Variants in USP24 observed in about 807,000 individuals in gnomAD.
The protein encoded by USP24 is ubiquitin specific peptidase 24, also known as ubiquitin carboxyl-terminal hydrolase 24.
A neutral mutation model predicts 361.6 loss-of-function variants in USP24; 97 were observed. The ratio of observed to expected loss-of-function variants is 0.27; its 90% CI spans 0.23 to 0.32. USP24 has a LOEUF of 0.32. Ranked by LOEUF, USP24 falls within the 10% of genes least tolerant of loss-of-function variation. USP24 has a pLI of 1.00. For synonymous variants in USP24, 1,098 were observed against 1,124.6 expected (o/e 0.98, Z 0.47); for missense variants, 2,353 against 3,165.6 (o/e 0.74, Z 6.16).
intron 8 of USP24, among the ~76,000 whole-genome samples, chr1:55,160,885 ACTT>A (rs1648204952): frequency 6.6e-6 from 1 of 152,144 alleles, no homozygotes; most frequent in African/African-American, 2.4e-5. Context: ...AAGTCCAATC[ACTT>A]TGCCTCTTTA....
chr1:55,211,611 C>G (rs540582117), intron 1 of USP24, among the ~76,000 whole-genome samples: 1 of 152,232 alleles, frequency 6.6e-6, no homozygotes, highest in African/African-American at 2.4e-5. Flanking sequence ...ACTGATTTAC[C>G]TAACTAGCTA....
chr1:55,121,862 T>C (rs911571581), intron 36 of USP24, among the ~76,000 whole-genome samples: 2 of 152,232 alleles, frequency 1.3e-5, no homozygotes, highest in Non-Finnish European at 2.9e-5. Flanking sequence ...AGGGAAGTTA[T>C]CATTTTTTCA....
In USP24 at chr1:55,096,445, A is replaced by G. The variant is rs568793612; in HGVS notation, c.6061+53T>C. On this transcript the variant is annotated intron_variant, in intron 50 of 67. Transcript: ENST00000294383. ...TATAAAGAATACTATTAATTTTTAT[A>G]GAAAACGATAAATAAAAAAACTAAT... 3 of 1,361,964 alleles carry G rather than the reference A, an allele frequency of 2.2e-6. No individual in the cohort carries two copies. The South Asian group carries it at 5.3e-5, about 24-fold the overall frequency. 84.4% of individuals were successfully genotyped at this position (1,361,964 alleles called of 1,614,324 possible).
intron 38 of USP24, among the ~76,000 whole-genome samples, chr1:55,117,668 G>A (rs1048027150): frequency 4.0e-5 from 6 of 150,790 alleles, no homozygotes; most frequent in South Asian, 2.1e-4. Flanking sequence ...GCCGGGAAGC[G>A]GAGCTTGCAG....
Position 55,177,981 on chromosome 1 carries a change from T to A in USP24, c.476A>T (p.Tyr159Phe). 6.4e-7 allele frequency: 1 copy of A among 1,551,558 alleles called. No homozygotes were observed. Among genetic ancestry groups the A allele is most frequent in the East Asian group, 2.4e-5 (1 of 40,894 alleles). The change falls in exon 2 of 68, where the codon TAC becomes TTC. Residue 159 changes from tyrosine to phenylalanine, a missense_variant. By Grantham distance (22) the Tyr-to-Phe change is conservative. Around this residue, in one of 8 missense-constraint regions of USP24, gnomAD observed 253 missense variants for 255.3 expected, o/e 0.99. Transcript: ENST00000294383. ...TGAAAACTTACCAAGTCTTGCTAGG[T>A]AGGTAGATGCCAACAGGCATTTGCC... ...SLGKCLLASTYLARLGLSESD... is the reference protein window; with the variant it reads ...SLGKCLLASTFLARLGLSESD...
intron 58 of USP24, 69 bp from the exon 59 acceptor site, chr1:55,081,493 G>C: frequency 7.2e-7 from 1 of 1,387,940 alleles, no homozygotes; most frequent in East Asian, 2.3e-5. Flanking sequence ...GAAGGGACAG[G>C]GTTTGCTGGT....
At chr1:55,137,151 G>T (rs145338810) in intron 28 of USP24, among the ~76,000 whole-genome samples, 2 of 152,170 alleles carry the variant, frequency 1.3e-5, no homozygotes. Context: ...TTCCAAGGGG[G>T]AAGCGATCAC....
chr1:55,167,980 A>G (rs932514842), intron 5 of USP24, among the ~76,000 whole-genome samples: 1 of 152,194 alleles, frequency 6.6e-6, no homozygotes, highest in Non-Finnish European at 1.5e-5. Context: ...ACAGAGATAT[A>G]AATTGGAGGG....
intron 1 of USP24, among the ~76,000 whole-genome samples, chr1:55,204,446 T>C (rs1482889809): frequency 1.3e-5 from 2 of 150,872 alleles, no homozygotes; most frequent in Admixed American, 6.6e-5. Context: ...ATACACATTC[T>C]GTATATTCCA....
At chr1:55,200,145 G>T (rs138689029) in intron 1 of USP24, among the ~76,000 whole-genome samples, 1 of 152,344 alleles carries the variant, frequency 6.6e-6, no homozygotes, top group East Asian at 1.9e-4. Context: ...TGAGATGTGG[G>T]TGGGGACACA....
chr1:55,077,382 G>T, intron 61 of USP24, 82 bp from the exon 62 acceptor site: 2 of 1,286,440 alleles, frequency 1.6e-6, no homozygotes, highest in Non-Finnish European at 2.1e-6. Context: ...CCACGTTCTA[G>T]CTCTATCACC....
chr1:55,117,109 A>G (rs961243912), intron 38 of USP24, among the ~76,000 whole-genome samples: 4 of 152,216 alleles, frequency 2.6e-5, no homozygotes, highest in Non-Finnish European at 5.9e-5. Context: ...ATCAAAGCAG[A>G]AAAAGCATTT....
intron 50 of USP24, 88 bp downstream of exon 50, chr1:55,096,410 T>C: frequency 9.0e-7 from 1 of 1,105,514 alleles, no homozygotes; most frequent in Non-Finnish European, 1.2e-6. Context: ...CAAAATCTGT[T>C]GTGTTTTTAT....
intron 31 of USP24, among the ~76,000 whole-genome samples, chr1:55,130,726 C>G (rs761542599): frequency 1.3e-5 from 2 of 152,192 alleles, no homozygotes; most frequent in South Asian, 4.1e-4. Flanking sequence ...CCCCAGCTGC[C>G]TCATGCTTAA....
chr1:55,095,479 C>T, intron 50 of USP24, 83 bp from the exon 51 acceptor site: 5 of 1,432,338 alleles, frequency 3.5e-6, no homozygotes, highest in Non-Finnish European at 4.6e-6. Context: ...GCCCATTATT[C>T]CAGCAAGTAG....
intron 60 of USP24, among the ~76,000 whole-genome samples, chr1:55,079,283 G>C (rs72660573): frequency 3.9e-5 from 6 of 152,272 alleles, no homozygotes; most frequent in Non-Finnish European, 8.8e-5. Context: ...GATTTTGATG[G>C]ATGAAGTGCC....
rs1430848360 is a variant in USP24, at chr1:55,089,695, T to G, written c.6600A>C (p.Ser2200=). The G allele has an allele frequency of 1.9e-6, 3 of 1,604,992 alleles. No individual in the cohort carries two copies. Among genetic ancestry groups the G allele is most frequent in the Non-Finnish European group, 2.6e-6 (3 of 1,175,212 alleles). The change falls in exon 55 of 68, where the codon TCA becomes TCC. Residue 2200 remains serine (S), a synonymous_variant. Coordinates refer to ENST00000294383, the MANE Select transcript of USP24 (RefSeq NM_015306.3). The part of the protein sequence containing the change: ...EWIATIEALL[S]KSFDACQWLV... ...ACCACTGACAAGCATCAAAACTTTT[T>G]GAAAGCAATGCTTCAATGGTAGCAA...
At chr1:55,100,749 T>A in intron 44 of USP24, 90 bp downstream of exon 44, 2 of 1,333,156 alleles carry the variant, frequency 1.5e-6, no homozygotes, top group Non-Finnish European at 2.0e-6. Context: ...TAGTCTAAAG[T>A]TAATAAAAAC....
intron 38 of USP24, among the ~76,000 whole-genome samples, chr1:55,116,840 T>A (rs1570447341): frequency 6.6e-6 from 1 of 152,214 alleles, no homozygotes; most frequent in African/African-American, 2.4e-5. Flanking sequence ...ACTTCCTGAC[T>A]TATTCTATGA....
Sources: gnomAD v4.1 joint callset for allele counts (sites outside exome capture counted in the v4.1 genomes callset) on GRCh38, gnomAD v4.1.1 for gene constraint, gnomAD v4.1.1 regional missense constraint, MANE v1.5 for transcripts, NCBI Gene and HGNC (gene_info 2026-07-23, HGNC 2026-07-21) for gene names.